SESN3: variants seen among roughly 807,000 people sequenced by gnomAD.
SESN3 encodes the protein sestrin-3.
SESN3 carries 21 observed loss-of-function variants against 55.3 expected under a neutral mutation model. The observed-to-expected ratio is 0.38, with a 90% CI of 0.27 to 0.55. SESN3 has a LOEUF of 0.55. Among genes scored for constraint, SESN3 ranks in the 20% least tolerant of loss-of-function variants. The pLI is 0.76. For missense variants in SESN3, 408 were observed against 604.3 expected (o/e 0.68, Z 3.41); for synonymous variants, 181 against 203.1 (o/e 0.89, Z 0.93).
intron 1 of SESN3, among the ~76,000 whole-genome samples, chr11:95,226,006 A>C (rs1015189559): frequency 3.3e-5 from 5 of 151,304 alleles, no homozygotes; most frequent in African/African-American, 1.2e-4. Context: ...CAGGGAATAC[A>C]GACAGAAATA....
At chr11:95,225,003 A>G (rs1456856023) in intron 1 of SESN3, among the ~76,000 whole-genome samples, 3 of 152,194 alleles carry the variant, frequency 2.0e-5, no homozygotes, top group Non-Finnish European at 4.4e-5. Context: ...ACGGGGTATT[A>G]AAAAGATGCA....
chr11:95,218,148 A>AT (rs1022012346), intron 1 of SESN3, among the ~76,000 whole-genome samples: 6 of 152,218 alleles, frequency 3.9e-5, no homozygotes, highest in Admixed American at 2.6e-4. Context: ...GAGAATTAGG[A>AT]TTTTAAGACA....
At chr11:95,215,312 G>A (rs1476887252) in intron 1 of SESN3, among the ~76,000 whole-genome samples, 4 of 151,978 alleles carry the variant, frequency 2.6e-5, no homozygotes, top group African/African-American at 9.7e-5. Flanking sequence ...TGATGCTGCT[G>A]GTTCTAGAAC....
chr11:95,214,145 T>A (rs1225942865), intron 1 of SESN3, among the ~76,000 whole-genome samples: 1 of 152,162 alleles, frequency 6.6e-6, no homozygotes, highest in Non-Finnish European at 1.5e-5. Context: ...AGCCCTTTCC[T>A]CACAGAAGGA....
intron 1 of SESN3, among the ~76,000 whole-genome samples, chr11:95,193,899 CGAA>C (rs577010305): frequency 8.2e-4 from 125 of 152,154 alleles, no homozygotes; most frequent in African/African-American, 2.7e-3. Context: ...AGGTTAAATT[CGAA>C]GAAGATTACA....
chr11:95,207,142 T>TAGGCACTCCAAC (rs1565471779), intron 1 of SESN3, among the ~76,000 whole-genome samples: 2 of 127,626 alleles, frequency 1.6e-5, no homozygotes, highest in South Asian at 2.6e-4. Flanking sequence ...CACTAGGCAT[T>TAGGCACTCCAAC]CTAAGTTTAA....
At chr11:95,199,017 A>G (rs1297291059) in intron 1 of SESN3, among the ~76,000 whole-genome samples, 1 of 152,142 alleles carries the variant, frequency 6.6e-6, no homozygotes, top group Non-Finnish European at 1.5e-5. Context: ...AATAACAGAA[A>G]AGTTGAGAGA....
At chr11:95,184,659 T>G in intron 5 of SESN3, 65 bp from the exon 6 acceptor site, 1 of 1,426,668 alleles carries the variant, frequency 7.0e-7, no homozygotes, top group Non-Finnish European at 9.7e-7. Context: ...AATATCTCCA[T>G]CTCCAAATGT....
chr11:95,205,174 C>A (rs1279767459), intron 1 of SESN3, among the ~76,000 whole-genome samples: 1 of 152,112 alleles, frequency 6.6e-6, no homozygotes, highest in Non-Finnish European at 1.5e-5. Flanking sequence ...CTACATGATT[C>A]CTGAAACTTT....
chr11:95,231,166 T>C lies in SESN3; in HGVS notation c.-306A>G, dbSNP rs1215116502. On this transcript the variant is annotated 5_prime_UTR_variant, in exon 1 of 10. Transcript: ENST00000536441. ...GGCTAGGACGAGCAGCCGCCACCGCTGCCACCGCCACCACCGCCGCCGCAG... is the reference window on the plus strand; with the variant it reads ...GGCTAGGACGAGCAGCCGCCACCGCCGCCACCGCCACCACCGCCGCCGCAG... 1.3e-4 allele frequency: 37 copies of C among 283,898 alleles called. No homozygotes were observed. The highest frequency in any genetic ancestry group is 7.5e-4 in the Admixed American group (10 of 13,408). The allele number at this position is 283,898 out of a possible 1,614,324, so 17.6% of individuals were successfully genotyped here.
intron 1 of SESN3, among the ~76,000 whole-genome samples, chr11:95,227,131 A>T (rs1435011270): frequency 1.3e-5 from 2 of 152,164 alleles, no homozygotes; most frequent in East Asian, 3.8e-4. Context: ...GCTATTACTT[A>T]ACAATTTTGA....
chr11:95,227,333 G>GT lies in SESN3; in HGVS notation c.78+3449dup, dbSNP rs1860965567. Among the ~76,000 whole-genome samples the GT allele has an allele frequency of 2.6e-5, 4 of 152,172 alleles. No individual in the cohort carries two copies. The South Asian group carries it at 8.3e-4, about 32-fold the overall frequency. On this transcript the variant is annotated intron_variant, in intron 1 of 9. Coordinates refer to ENST00000536441, the MANE Select transcript of SESN3 (RefSeq NM_144665.4). ...TGATTCTCCTGCCTCAGCCTCCTGA[G>GT]TAACTGGGACTACAGGCACACGATT...
rs1392984631 is a variant in SESN3 at position 95,197,434 on chromosome 11, CCTTTT to C, written c.79-3917_79-3913del. ...GGGCAACTCTCTTCTTTTTGGGCTT[CCTTTT>C]CTTTTCTTTTTTTTTTTTTTTTGAG... On this transcript the variant is annotated intron_variant, in intron 1 of 9. Transcript: ENST00000536441. Among the ~76,000 whole-genome samples, 7 of 148,218 alleles carry C rather than the reference CCTTTT, an allele frequency of 4.7e-5. No individual in the cohort carries two copies. In the South Asian group the frequency reaches 8.5e-4, roughly 18 times the overall value.
At position 95,166,191 on chromosome 11, in the gene SESN3, G is replaced by T. The variant is rs1161750462; in HGVS notation, c.*7064C>A. The T allele has an allele frequency of 6.6e-6, 1 of 151,658 alleles. No individual in the cohort carries two copies. The highest frequency in any genetic ancestry group is 6.6e-5 in the Admixed American group (1 of 15,232). 9.4% of individuals were successfully genotyped at this position (151,658 alleles called of 1,614,324 possible). A position where few individuals can be genotyped will look rare whatever the true frequency, so the allele number is the denominator to read the frequency against. On this transcript the variant is annotated 3_prime_UTR_variant, in exon 10 of 10. Coordinates refer to ENST00000536441, the MANE Select transcript of SESN3 (RefSeq NM_144665.4). ...TTATTCTAATTTAAAACCTTATAGA[G>T]TAAGAGACTGATATATATAGCAGTC...
intron 1 of SESN3, among the ~76,000 whole-genome samples, chr11:95,208,371 T>C (rs1301661466): frequency 6.6e-6 from 1 of 151,510 alleles, no homozygotes; most frequent in Non-Finnish European, 1.5e-5. Context: ...CATATAATCA[T>C]GACAGGACTT....
At chr11:95,229,625 G>A (rs1727650712) in intron 1 of SESN3, among the ~76,000 whole-genome samples, 1 of 152,134 alleles carries the variant, frequency 6.6e-6, no homozygotes, top group South Asian at 2.1e-4. Context: ...TTTGGACAAA[G>A]AGCGCAAATA....
intron 1 of SESN3, among the ~76,000 whole-genome samples, chr11:95,194,982 C>A (rs1461172263): frequency 6.6e-6 from 1 of 151,808 alleles, no homozygotes; most frequent in Non-Finnish European, 1.5e-5. Context: ...ATTTTCTGGA[C>A]AACTATTCAT....
At chr11:95,215,258 G>A (rs1350591811) in intron 1 of SESN3, among the ~76,000 whole-genome samples, 1 of 113,674 alleles carries the variant, frequency 8.8e-6, no homozygotes, top group Non-Finnish European at 1.7e-5. Context: ...GCAGGTCTAG[G>A]GGTGGGGGGT....
intron 1 of SESN3, among the ~76,000 whole-genome samples, chr11:95,207,815 A>G (rs1218973212): frequency 6.6e-6 from 1 of 151,052 alleles, no homozygotes; most frequent in African/African-American, 2.4e-5. Context: ...AATGTTCTAT[A>G]CTATATGTTT....
Sources: gnomAD v4.1 joint callset for allele counts (sites outside exome capture counted in the v4.1 genomes callset) on GRCh38, gnomAD v4.1.1 for gene constraint, MANE v1.5 for transcripts, NCBI Gene and HGNC (gene_info 2026-07-23, HGNC 2026-07-21) for gene names.